The following COL27A1 variants were observed in gnomAD, a reference collection of about 807,000 sequenced individuals.
The protein encoded by COL27A1 is collagen alpha-1(XXVII) chain.
In COL27A1, 106 loss-of-function variants were observed where a neutral mutation model predicts 251.3. The observed-to-expected ratio is 0.42, with a 90% CI of 0.36 to 0.50. The LOEUF (loss-of-function observed/expected upper bound fraction) is 0.50. Among genes scored for constraint, COL27A1 ranks in the 20% least tolerant of loss-of-function variants. The probability of loss-of-function intolerance (pLI) is 0.00; values close to 1 mark genes in which losing one functional copy is unlikely to be tolerated. For synonymous variants in COL27A1, 1,000 were observed against 986.3 expected, an observed-to-expected ratio of 1.01 and a Z score of -0.26; for missense variants, 2,325 against 2,522.8, an observed-to-expected ratio of 0.92 and a Z score of 1.68.
At chr9:114,256,769 A>G (rs1588789009) in intron 27 of COL27A1, among the ~76,000 whole-genome samples, 1 of 152,202 alleles carries the variant, frequency 6.6e-6, no homozygotes. Flanking sequence ...CGTGCCTAAG[A>G]TGGCACAATT....
rs555531997 is a variant in COL27A1, at chr9:114,183,116, G to A, written c.2016+41G>A. On this transcript the variant is annotated intron_variant, in intron 5 of 60. Transcript: ENST00000356083. ...AGATGTGGCCATGGAGTGGGTGCTG[G>A]GGTTGGAGCCATGTTTGCAGTGCTT... 7 of 1,575,872 alleles carry A rather than the reference G, an allele frequency of 4.4e-6. No homozygotes were observed. In the African/African-American group the frequency reaches 8.7e-5, roughly 19 times the overall value.
chr9:114,301,817 A>T, intron 55 of COL27A1, 100 bp downstream of exon 55: 14 of 1,185,832 alleles, frequency 1.2e-5, no homozygotes, highest in African/African-American at 3.0e-5. Flanking sequence ...CCTGAACCCC[A>T]CAGGGGTTCT....
At chr9:114,195,877 G>A (rs1168125979) in intron 6 of COL27A1, 82 bp from the exon 7 acceptor site, 2 of 1,077,014 alleles carry the variant, frequency 1.9e-6, no homozygotes, top group Non-Finnish European at 2.9e-6. Flanking sequence ...GCCATTGGAA[G>A]TTACCATTCC....
At chr9:114,192,738 G>T (rs1042856201) in intron 5 of COL27A1, among the ~76,000 whole-genome samples, 1 of 152,198 alleles carries the variant, frequency 6.6e-6, no homozygotes, top group Non-Finnish European at 1.5e-5. Context: ...AAAGGAGTTG[G>T]TGCACAGAGT....
intron 37 of COL27A1, among the ~76,000 whole-genome samples, chr9:114,277,847 C>T (rs139882328): frequency 2.0e-5 from 3 of 152,276 alleles, no homozygotes; most frequent in Non-Finnish European, 2.9e-5. Context: ...CTTTGAGCTC[C>T]AGCGTTCTAG....
At chr9:114,305,591 C>T (rs1445008558) in intron 57 of COL27A1, among the ~76,000 whole-genome samples, 1 of 152,200 alleles carries the variant, frequency 6.6e-6, no homozygotes, top group Non-Finnish European at 1.5e-5. Context: ...GATGAGAGAC[C>T]TTGGCTACCT....
chr9:114,198,643 G>T (rs1047339211), intron 7 of COL27A1, among the ~76,000 whole-genome samples: 2 of 152,212 alleles, frequency 1.3e-5, no homozygotes, highest in African/African-American at 4.8e-5. Context: ...TCACCACAAG[G>T]CTGATTGAAA....
chr9:114,221,730 G>A (rs1370129644), intron 13 of COL27A1, among the ~76,000 whole-genome samples: 1 of 152,204 alleles, frequency 6.6e-6, no homozygotes, highest in Non-Finnish European at 1.5e-5. Context: ...GAGGGTGTGG[G>A]GTGCTGGGGA....
At chr9:114,294,086 A>T (rs1326951886) in intron 49 of COL27A1, among the ~76,000 whole-genome samples, 34 of 41,348 alleles carry the variant, frequency 8.2e-4, no homozygotes, top group African/African-American at 4.0e-3. Context: ...ACAATACAAA[A>T]AAAAAAAAAA....
intron 10 of COL27A1, 114 bp downstream of exon 10, chr9:114,206,410 T>C: frequency 1.9e-6 from 2 of 1,060,396 alleles, no homozygotes; most frequent in Non-Finnish European, 2.9e-6. Flanking sequence ...GCCCTCCCAC[T>C]TGAGTGCTCC....
chr9:114,205,670 C>A, intron 8 of COL27A1, 89 bp from the exon 9 acceptor site: 2 of 1,173,090 alleles, frequency 1.7e-6, no homozygotes, highest in African/African-American at 1.5e-5. Context: ...TCTCTTTATT[C>A]ATTGTCAGCC....
At chr9:114,214,372 C>T (rs1820521614) in intron 12 of COL27A1, among the ~76,000 whole-genome samples, 1 of 152,204 alleles carries the variant, frequency 6.6e-6, no homozygotes, top group African/African-American at 2.4e-5. Flanking sequence ...TCTGGCAGGG[C>T]TGGTGATGAT....
intron 3 of COL27A1, among the ~76,000 whole-genome samples, chr9:114,173,203 C>T (rs1267485530): frequency 6.6e-6 from 1 of 152,226 alleles, no homozygotes; most frequent in African/African-American, 2.4e-5. Context: ...CACAGAAGCC[C>T]CACGCCTGAG....
chr9:114,182,966 G>A (rs370836631), intron 4 of COL27A1, 56 bp from the exon 5 acceptor site: 131 of 1,483,670 alleles, frequency 8.8e-5, no homozygotes, highest in Non-Finnish European at 9.9e-5. Context: ...TGTCAGAGGC[G>A]AGATGGCCCC....
intron 16 of COL27A1, among the ~76,000 whole-genome samples, chr9:114,232,234 C>T (rs1340280674): frequency 6.6e-6 from 1 of 152,192 alleles, no homozygotes; most frequent in Non-Finnish European, 1.5e-5. Flanking sequence ...AACAAATCTA[C>T]ATAGATCACC....
intron 27 of COL27A1, 61 bp downstream of exon 27, chr9:114,252,993 G>T (rs980946137): frequency 7.2e-7 from 1 of 1,385,230 alleles, no homozygotes; most frequent in Non-Finnish European, 1.0e-6. Context: ...TTAGGTGGCT[G>T]GGTGTGGTGG....
chr9:114,240,579 C>A, intron 21 of COL27A1, 92 bp downstream of exon 21: 2 of 1,242,452 alleles, frequency 1.6e-6, no homozygotes, highest in Non-Finnish European at 2.3e-6. Flanking sequence ...TTAGCTTGGG[C>A]TGGAGCCCCC....
Position 114,189,010 on chromosome 9 carries a change from A to G in COL27A1, c.2017-5394A>G, listed in dbSNP as rs999815201. On this transcript the variant is annotated intron_variant, in intron 5 of 60. Transcript: ENST00000356083. ...TGTTGTTTGCTTCTTAAGAGTATTCATGATGATTTTCACAAATAGAAATGT... is the reference window on the plus strand; with the variant it reads ...TGTTGTTTGCTTCTTAAGAGTATTCGTGATGATTTTCACAAATAGAAATGT... 2.0e-5 allele frequency among the ~76,000 whole-genome samples: 3 copies of G among 152,214 alleles called. No individual in the cohort carries two copies. The South Asian group carries it at 6.2e-4, about 32-fold the overall frequency.
chr9:114,155,456 C>G (rs1039512981), upstream of COL27A1: 4 of 152,258 alleles, frequency 2.6e-5, no homozygotes, highest in African/African-American at 9.7e-5. This position sits in a 1 kb window ranked among gnomAD's most constrained non-coding sequence, Gnocchi z 5.5. Flanking sequence ...CAGCAGAGGG[C>G]GGCCGGGAGC....
Sources: gnomAD v4.1 joint callset for allele counts (sites outside exome capture counted in the v4.1 genomes callset) on GRCh38, gnomAD v4.1.1 for gene constraint, Gnocchi (gnomAD v3.1) non-coding constraint, MANE v1.5 for transcripts, NCBI Gene and HGNC (gene_info 2026-07-23, HGNC 2026-07-21) for gene names.